Variants in CSMD1 observed in about 807,000 individuals in gnomAD.
CSMD1 encodes the protein CUB and sushi domain-containing protein 1.
A neutral mutation model predicts 417.5 loss-of-function variants in CSMD1; 213 were observed. The observed-to-expected ratio is 0.51, with a 90% CI of 0.46 to 0.57. The LOEUF is 0.57. Ranked by LOEUF, CSMD1 falls within the 20% of genes least tolerant of loss-of-function variation. CSMD1 has a pLI of 0.00. For synonymous variants in CSMD1, 2,862 were observed against 1,736.8 expected, an observed-to-expected ratio of 1.65 and a Z score of -16.11; for missense variants, 6,923 against 4,529.7, an observed-to-expected ratio of 1.53 and a Z score of -15.17.
intron 1 of CSMD1, among the ~76,000 whole-genome samples, chr8:4,791,840 G>C (rs768302099): frequency 1.2e-4 from 19 of 152,114 alleles, no homozygotes; most frequent in Middle Eastern, 6.8e-3. Flanking sequence ...AATTCCAACA[G>C]ATATACTTTT....
chr8:4,443,163 G>A (rs1026967901), intron 2 of CSMD1, among the ~76,000 whole-genome samples: 6 of 152,076 alleles, frequency 3.9e-5, no homozygotes, highest in Non-Finnish European at 5.9e-5. Flanking sequence ...CCTTTTAAAT[G>A]GTAGAATTCT....
At chr8:3,298,953 C>A (rs1279751361) in intron 25 of CSMD1, among the ~76,000 whole-genome samples, 1 of 152,096 alleles carries the variant, frequency 6.6e-6, no homozygotes, top group African/African-American at 2.4e-5. Context: ...ATGCTATATG[C>A]TAATGAGAAG....
chr8:4,526,381 T>A (rs1796513540), intron 2 of CSMD1, among the ~76,000 whole-genome samples: 2 of 152,216 alleles, frequency 1.3e-5, no homozygotes, highest in African/African-American at 2.4e-5. Flanking sequence ...GTCTCCTCCT[T>A]CAACAAGAAT....
At chr8:3,178,255 T>G (rs553853359) in intron 37 of CSMD1, among the ~76,000 whole-genome samples, 2 of 152,242 alleles carry the variant, frequency 1.3e-5, no homozygotes, top group East Asian at 3.9e-4. Flanking sequence ...TCCATTTGGA[T>G]GTACTATGGT....
intron 1 of CSMD1, among the ~76,000 whole-genome samples, chr8:4,762,016 C>A (rs555703929): frequency 6.6e-6 from 1 of 151,862 alleles, no homozygotes; most frequent in Admixed American, 6.6e-5. Context: ...TCAATTACAA[C>A]TTTTAATATA....
chr8:4,113,871 G>T (rs867111257), intron 3 of CSMD1, among the ~76,000 whole-genome samples: 11 of 152,150 alleles, frequency 7.2e-5, no homozygotes, highest in African/African-American at 2.4e-4. Context: ...CTCTATGAAG[G>T]CTGAGAGAGG....
intron 3 of CSMD1, among the ~76,000 whole-genome samples, chr8:4,194,202 T>G (rs374013142): frequency 6.6e-6 from 1 of 152,182 alleles, no homozygotes; most frequent in Non-Finnish European, 1.5e-5. Context: ...CTGACACTAC[T>G]AAATTTCTTT....
intron 7 of CSMD1, among the ~76,000 whole-genome samples, chr8:3,703,558 G>C (rs886868512): frequency 6.6e-6 from 1 of 152,052 alleles, no homozygotes; most frequent in African/African-American, 2.4e-5. Flanking sequence ...TGTGGGTCAT[G>C]GATGGGAAAA....
intron 40 of CSMD1, among the ~76,000 whole-genome samples, chr8:3,143,899 AG>A (rs1251712538): frequency 2.0e-5 from 3 of 152,238 alleles, no homozygotes. Context: ...CAGTTGTCAG[AG>A]GGCAGTACTT....
intron 3 of CSMD1, among the ~76,000 whole-genome samples, chr8:4,295,051 C>G (rs1413903827): frequency 2.1e-5 from 2 of 95,588 alleles, no homozygotes; most frequent in African/African-American, 3.2e-5. Context: ...ATATATTATA[C>G]ACATATAATC....
At chr8:3,646,362 A>T (rs377147754) in intron 7 of CSMD1, among the ~76,000 whole-genome samples, 5 of 152,208 alleles carry the variant, frequency 3.3e-5, no homozygotes, top group African/African-American at 1.2e-4. Context: ...TGTATTTTCC[A>T]ACTTTTTTCT....
At chr8:4,000,980 T>C (rs974748597) in intron 4 of CSMD1, among the ~76,000 whole-genome samples, 27 of 152,040 alleles carry the variant, frequency 1.8e-4, no homozygotes, top group Admixed American at 1.1e-3. Context: ...CTGCTGAAAC[T>C]ACATACATTC....
At chr8:4,150,462 G>C (rs1585427204) in intron 3 of CSMD1, among the ~76,000 whole-genome samples, 3 of 152,298 alleles carry the variant, frequency 2.0e-5, no homozygotes, top group South Asian at 4.1e-4. Flanking sequence ...CCGGGGCTTA[G>C]AACTTCAGCT....
At chr8:3,609,780 CAAAAG>C in intron 8 of CSMD1, among the ~76,000 whole-genome samples, 1 of 126,912 alleles carries the variant, frequency 7.9e-6, no homozygotes, top group Middle Eastern at 4.7e-3. Flanking sequence ...AAGAGAGTCT[CAAAAG>C]AAAAGACTGT....
intron 23 of CSMD1, among the ~76,000 whole-genome samples, chr8:3,334,129 A>G (rs1807086467): frequency 6.6e-6 from 1 of 152,192 alleles, no homozygotes; most frequent in South Asian, 2.1e-4. Context: ...TTGGGTAGAG[A>G]TAGGTGGGAG....
rs372292926 is a variant in CSMD1 at position 4,229,171 on chromosome 8, C to G, written c.415+190782G>C. ...TTTCTATTTGGGCAGGACAAAAACC[C>G]GGAGTCAACTTGTATTCCTCCTTTT... On this transcript the variant is annotated intron_variant, in intron 3 of 69. Transcript: ENST00000635120. Among the ~76,000 whole-genome samples the G allele has an allele frequency of 1.2e-4, 19 of 152,298 alleles. No individual in the cohort carries two copies. In the East Asian group the frequency reaches 3.1e-3, roughly 25 times the overall value.
intron 12 of CSMD1, among the ~76,000 whole-genome samples, chr8:3,456,164 A>G (rs1230824994): frequency 5.9e-5 from 9 of 152,180 alleles, no homozygotes; most frequent in Admixed American, 5.9e-4. Flanking sequence ...TTAGAAAAGC[A>G]CAGTATTAGG....
chr8:4,444,105 G>T (rs925606851), intron 2 of CSMD1, among the ~76,000 whole-genome samples: 3 of 151,994 alleles, frequency 2.0e-5, no homozygotes, highest in Admixed American at 6.6e-5. Flanking sequence ...ACTTTGGGAG[G>T]TCGAGGCAGG....
intron 1 of CSMD1, among the ~76,000 whole-genome samples, chr8:4,950,110 T>A (rs545388069): frequency 3.5e-4 from 37 of 106,958 alleles, no homozygotes; most frequent in African/African-American, 9.9e-4. Context: ...ATAGAAATGT[T>A]TCATATGATA....
Sources: gnomAD v4.1 joint callset for allele counts (sites outside exome capture counted in the v4.1 genomes callset) on GRCh38, gnomAD v4.1.1 for gene constraint, MANE v1.5 for transcripts, NCBI Gene and HGNC (gene_info 2026-07-23, HGNC 2026-07-21) for gene names.